Variants in C4orf33 observed in about 807,000 individuals in gnomAD.
C4orf33 encodes UPF0462 protein C4orf33.
A neutral mutation model predicts 24.3 loss-of-function variants in C4orf33; 20 were observed. The observed-to-expected ratio is 0.82, with a 90% CI of 0.58 to 1.19. The LOEUF is 1.19. Ranked by LOEUF, C4orf33 falls within the 50% of genes most tolerant of loss-of-function variation. The pLI is 0.00. For missense variants in C4orf33, 207 were observed against 225.9 expected (o/e 0.92, Z 0.54); for synonymous variants, 67 against 76.4 (o/e 0.88, Z 0.64).
In C4orf33 at chr4:129,102,731, G is replaced by T; in HGVS notation, c.121G>T (p.Asp41Tyr). 1 of 1,614,078 alleles carries T rather than the reference G, an allele frequency of 6.2e-7. No individual in the cohort carries two copies. The highest frequency in any genetic ancestry group is 2.2e-5 in the East Asian group (1 of 44,872). Residue 41 changes from aspartate to tyrosine, a missense_variant, in exon 2 of 6, where the codon GAT (aspartate) becomes TAT (tyrosine). Asp to Tyr is a radical substitution (Grantham distance 160). Coordinates refer to ENST00000425929, the MANE Select transcript of C4orf33 (RefSeq NM_001099783.2). ...MMDISAPFFR[D>Y]PPAPLGEPGK... ...GGACATTAGTGCTCCATTTTTCAGG[G>T]ATCCTCCAGCCCCACTTGGAGAACC...
rs778950276 is a variant in C4orf33, at chr4:129,106,613, A to G, written c.208A>G (p.Ile70Val). The change falls in exon 3 of 6, where the codon ATA (isoleucine) becomes GTA (valine). Residue 70 changes from isoleucine (I) to valine (V), a missense_variant. By Grantham distance (29) the Ile-to-Val change is conservative. Coordinates refer to ENST00000425929, the MANE Select transcript of C4orf33 (RefSeq NM_001099783.2). ...EVVEAFFLNDITEQYLEVELC... is the reference protein window; with the variant it reads ...EVVEAFFLNDVTEQYLEVELC... ...TGTGGAAGCATTTTTCTTGAATGAT[A>G]TAACTGAGCAATATTTAGAAGTTGA... The G allele has an allele frequency of 1.3e-6, 2 of 1,548,560 alleles. No individual in the cohort carries two copies. The highest frequency in any genetic ancestry group is 8.8e-7 in the Non-Finnish European group (1 of 1,133,286).
intron 5 of C4orf33, among the ~76,000 whole-genome samples, chr4:129,110,840 T>C (rs1218037610): frequency 1.3e-5 from 2 of 152,100 alleles, no homozygotes; most frequent in South Asian, 2.1e-4. Context: ...CTTTTTCTTA[T>C]CCTTCACTGT....
upstream of C4orf33, among the ~76,000 whole-genome samples, chr4:129,095,823 T>A (rs115994359): frequency 1.5e-4 from 23 of 152,334 alleles, no homozygotes; most frequent in African/African-American, 5.3e-4. Context: ...ATAATATAGT[T>A]TATAGCTGGT....
At chr4:129,103,571 T>TAC (rs35467062) in intron 2 of C4orf33, among the ~76,000 whole-genome samples, 107,321 of 151,940 alleles carry the variant, frequency 0.71, 40,348 homozygotes, top group South Asian at 0.89. Context: ...GACATAAAAT[T>TAC]AGTTTCAGGT....
At chr4:129,103,452 A>T (rs948863235) in intron 2 of C4orf33, among the ~76,000 whole-genome samples, 1 of 152,148 alleles carries the variant, frequency 6.6e-6, no homozygotes, top group Non-Finnish European at 1.5e-5. Context: ...AATCTTCTTT[A>T]TGGAAGATTT....
intron 1 of C4orf33, among the ~76,000 whole-genome samples, chr4:129,101,636 G>A (rs1462766850): frequency 6.6e-6 from 1 of 152,112 alleles, no homozygotes; most frequent in East Asian, 1.9e-4. Flanking sequence ...GACAGTAATA[G>A]TTTCTCTGCA....
chr4:129,109,841 T>C, intron 5 of C4orf33, 169 bp downstream of exon 5: 1 of 938,524 alleles, frequency 1.1e-6, no homozygotes, highest in Non-Finnish European at 1.5e-6. Context: ...TGGAAAACTT[T>C]GGACTGTCAT....
chr4:129,115,952 TTCTTA>T lies in C4orf33; in HGVS notation c.*4167_*4171del, dbSNP rs1472829921. ...TGGGCCCTACTCATTTTCTGATAAT[TTCTTA>T]TCTTAATTTGCTCTGAAAGAGCAAA... is the stretch of plus-strand genomic sequence containing the variant. On this transcript the variant is annotated 3_prime_UTR_variant, in exon 6 of 6. Transcript: ENST00000425929. 2.7e-5 allele frequency: 4 copies of T among 150,600 alleles called. No homozygotes were observed. The highest frequency in any genetic ancestry group is 4.8e-5 in the African/African-American group (2 of 41,282). 9.3% of individuals were successfully genotyped at this position (150,600 alleles called of 1,614,324 possible). A position where few individuals can be genotyped will look rare whatever the true frequency, so the allele number is the denominator to read the frequency against.
rs487233 is a variant in C4orf33 at position 129,114,987 on chromosome 4, A to G, written c.*3196A>G. 0.73 allele frequency: 110,511 copies of G among 152,082 alleles called. 41,951 individuals are homozygous for G. The highest frequency in any genetic ancestry group is 0.89 in the South Asian group (4,288 of 4,824). 9.4% of individuals were successfully genotyped at this position (152,082 alleles called of 1,614,324 possible). ...CTAAGGACTCTGACCCTTTGAGGAT[A>G]AAGGTCTAGGTCACCTCACCATTCA... On this transcript the variant is annotated 3_prime_UTR_variant, in exon 6 of 6. Transcript: ENST00000425929.
rs1753343044 is a variant in C4orf33, at chr4:129,101,265, T to A, written c.-9-1337T>A. 2.0e-5 allele frequency among the ~76,000 whole-genome samples: 3 copies of A among 152,320 alleles called. No individual in the cohort carries two copies. The East Asian group carries it at 5.8e-4, about 29-fold the overall frequency. ...GAGCTTGTACATTTGGATCTCCCAC[T>A]GCTTAGCTCGTAGGAGGTTTTCAAT... On this transcript the variant is annotated intron_variant, in intron 1 of 5. Transcript: ENST00000425929.
rs752017521 is a variant in C4orf33, at chr4:129,111,749, A to G, written c.558A>G (p.Gln186=). The G allele has an allele frequency of 6.2e-7, 1 of 1,612,940 alleles. No homozygotes were observed. Among genetic ancestry groups the G allele is most frequent in the Non-Finnish European group, 8.5e-7 (1 of 1,179,098 alleles). ...FNTLLGEEWK[Q]PESDLWLIEK... ...CACTGCTTGGAGAAGAGTGGAAACA[A>G]CCGGAATCAGACCTGTGGCTAATAG... Residue 186 remains glutamine (Q), a synonymous_variant, in exon 6 of 6, where the codon CAA becomes CAG. Coordinates refer to ENST00000425929, the MANE Select transcript of C4orf33 (RefSeq NM_001099783.2).
At chr4:129,102,834 T>C (rs537398884) in intron 2 of C4orf33, 43 bp downstream of exon 2, 1 of 1,522,160 alleles carries the variant, frequency 6.6e-7, no homozygotes, top group South Asian at 1.2e-5. Context: ...TAAATCTTCT[T>C]ATAATAACCT....
rs764090261 is a variant in C4orf33, at chr4:129,116,365, T to C, written c.*4574T>C. The stretch of plus-strand genomic sequence containing the variant: ...GCTCCTGAGAGAGCTTTGGGTGTTC[T>C]GTAAATTTTTTACTTTGCACTCTTG... On this transcript the variant is annotated 3_prime_UTR_variant, in exon 6 of 6. Coordinates refer to ENST00000425929, the MANE Select transcript of C4orf33 (RefSeq NM_001099783.2). 2 of 152,234 alleles carry C rather than the reference T, an allele frequency of 1.3e-5. No homozygotes were observed. Among genetic ancestry groups the C allele is most frequent in the African/African-American group, 2.4e-5 (1 of 41,470 alleles). The allele number at this position is 152,234 out of a possible 1,614,324, so 9.4% of individuals were successfully genotyped here.
chr4:129,099,283 G>A (rs574380830), intron 1 of C4orf33, among the ~76,000 whole-genome samples: 1 of 152,234 alleles, frequency 6.6e-6, no homozygotes, highest in East Asian at 1.9e-4. Flanking sequence ...CCAAACTCCT[G>A]TAGACTTATT....
chr4:129,116,637 A>G lies in C4orf33; in HGVS notation c.*4846A>G, dbSNP rs1753780808. On this transcript the variant is annotated 3_prime_UTR_variant, in exon 6 of 6. Transcript: ENST00000425929. ...GAAATAAAAATTATGCTAAAAACAA[A>G]CGTATGTTTTTGAATTAGTTTTTTG... 1 of 152,144 alleles carries G rather than the reference A, an allele frequency of 6.6e-6. No individual in the cohort carries two copies. Among genetic ancestry groups the G allele is most frequent in the African/African-American group, 2.4e-5 (1 of 41,444 alleles). 9.4% of individuals were successfully genotyped at this position (152,144 alleles called of 1,614,324 possible).
chr4:129,098,332 C>G (rs968607182), intron 1 of C4orf33, among the ~76,000 whole-genome samples: 7 of 152,138 alleles, frequency 4.6e-5, no homozygotes, highest in South Asian at 4.1e-4. Context: ...TTCCCTCCCC[C>G]CTCTAGTAGT....
chr4:129,100,738 T>C (rs1053343257), intron 1 of C4orf33: 1 of 152,184 alleles, frequency 6.6e-6, no homozygotes, highest in Non-Finnish European at 1.5e-5. Flanking sequence ...CTAAGGTATA[T>C]ATTGCCAAAA....
Position 129,102,752 on chromosome 4 carries a change from G to A in C4orf33, c.142G>A (p.Glu48Lys), listed in dbSNP as rs757303104. 147 of 1,613,732 alleles carry A rather than the reference G, an allele frequency of 9.1e-5. No individual in the cohort carries two copies. Among genetic ancestry groups the A allele is most frequent in the Non-Finnish European group, 1.2e-4 (143 of 1,179,926 alleles). Residue 48 changes from glutamate to lysine, a missense_variant, in exon 2 of 6, where the codon GAA becomes AAA. Physicochemically the swap from Glu to Lys is moderately conservative, Grantham distance 56. Coordinates refer to ENST00000425929, the MANE Select transcript of C4orf33 (RefSeq NM_001099783.2). ...FFRDPPAPLG[E>K]PGKPFNELWD... Reference sequence around the variant, plus strand: ...CAGGGATCCTCCAGCCCCACTTGGAGAACCAGGAAAACCTTTCAATGAACT... The same window carrying A: ...CAGGGATCCTCCAGCCCCACTTGGAAAACCAGGAAAACCTTTCAATGAACT...
At chr4:129,104,434 A>G (rs1339509058) in intron 2 of C4orf33, among the ~76,000 whole-genome samples, 2 of 152,162 alleles carry the variant, frequency 1.3e-5, no homozygotes. Flanking sequence ...AAACCTTCTC[A>G]GGATCCTTTT....
Sources: gnomAD v4.1 joint callset for allele counts (sites outside exome capture counted in the v4.1 genomes callset) on GRCh38, gnomAD v4.1.1 for gene constraint, MANE v1.5 for transcripts, NCBI Gene and HGNC (gene_info 2026-07-23, HGNC 2026-07-21) for gene names.